Variants in CILK1 observed in about 807,000 individuals in gnomAD.
CILK1 encodes the protein ciliogenesis associated kinase 1.
In CILK1, 47 loss-of-function variants were observed where a neutral mutation model predicts 79.2. That is an observed-to-expected ratio of 0.59 (90% CI 0.47 to 0.76). The LOEUF (loss-of-function observed/expected upper bound fraction) is 0.76, where lower values mean the gene tolerates loss of function less well. CILK1 is among the 30% of genes least tolerant of loss of function. CILK1 has a pLI of 0.00. For missense variants in CILK1, 660 were observed against 769.5 expected, an observed-to-expected ratio of 0.86 and a Z score of 1.68; for synonymous variants, 266 against 275.9, an observed-to-expected ratio of 0.96 and a Z score of 0.36.
intron 5 of CILK1, among the ~76,000 whole-genome samples, chr6:53,019,979 C>T (rs1477186762): frequency 6.6e-6 from 1 of 152,048 alleles, no homozygotes; most frequent in African/African-American, 2.4e-5. Flanking sequence ...GCCCAGATAA[C>T]TGTCTGATGG....
chr6:53,007,616 G>A (rs1420585422), intron 12 of CILK1, among the ~76,000 whole-genome samples: 3 of 152,052 alleles, frequency 2.0e-5, no homozygotes, highest in African/African-American at 4.8e-5. Context: ...AGTTGAAGAT[G>A]AGCACACCCT....
rs1293309533 is a variant in CILK1, at chr6:53,005,045, AT to A, written c.*103del. 4.6e-6 allele frequency: 6 copies of A among 1,291,930 alleles called. No individual in the cohort carries two copies. The African/African-American group carries it at 8.7e-5, about 19-fold the overall frequency. The allele number at this position is 1,291,930 out of a possible 1,614,324, so 80.0% of individuals were successfully genotyped here. A position where few individuals can be genotyped will look rare whatever the true frequency, so the allele number is the denominator to read the frequency against. ...TCAGAAGAATAACTATAAAGTGTTG[AT>A]TTGCTTTTATGCCCTCTGCACATCT... On this transcript the variant is annotated 3_prime_UTR_variant, in exon 14 of 14. Transcript: ENST00000676107.
chr6:53,053,586 G>A (rs1424345677), intron 1 of CILK1, among the ~76,000 whole-genome samples: 2 of 152,206 alleles, frequency 1.3e-5, no homozygotes, highest in African/African-American at 2.4e-5. Context: ...TGGCAGAAAT[G>A]AGACAGGAAC....
intron 9 of CILK1, 106 bp from the exon 10 acceptor site, chr6:53,012,333 G>A (rs1168193007): frequency 1.0e-6 from 1 of 1,000,880 alleles, no homozygotes; most frequent in Non-Finnish European, 1.5e-6. Context: ...GAGGCTCCTG[G>A]GGCATAACAT....
intron 1 of CILK1, among the ~76,000 whole-genome samples, chr6:53,046,081 T>C (rs1169031393): frequency 2.0e-5 from 3 of 152,192 alleles, no homozygotes; most frequent in Non-Finnish European, 4.4e-5. Context: ...CATAAAAATG[T>C]CTATGCACAT....
chr6:53,005,797 AGAATC>A (rs1280761092), intron 13 of CILK1, among the ~76,000 whole-genome samples: 2 of 152,156 alleles, frequency 1.3e-5, no homozygotes, highest in Non-Finnish European at 2.9e-5. Context: ...CACGTCACTC[AGAATC>A]CATGACAATG....
intron 1 of CILK1, among the ~76,000 whole-genome samples, chr6:53,043,366 CTG>C (rs1766838803): frequency 6.6e-6 from 1 of 151,802 alleles, no homozygotes; most frequent in Non-Finnish European, 1.5e-5. Flanking sequence ...TAAATCCAGA[CTG>C]TGTTCTCCTG....
At position 53,043,284 on chromosome 6, in the gene CILK1, C is replaced by A. The variant is rs900281459; in HGVS notation, c.-172-1876G>T. Among the ~76,000 whole-genome samples, 21 of 151,624 alleles carry A rather than the reference C, an allele frequency of 1.4e-4. 1 individual carries two copies. The highest frequency in any genetic ancestry group is 5.1e-4 in the African/African-American group (21 of 41,244). ...TGAGCCGAGATCACGCCACTGCACG[C>A]CAGCCTGGGTAACAGAGTGAGACTT... On this transcript the variant is annotated intron_variant, in intron 1 of 13. Coordinates refer to ENST00000676107, the MANE Select transcript of CILK1 (RefSeq NM_014920.5).
At chr6:53,052,217 G>A (rs889415902) in intron 1 of CILK1, among the ~76,000 whole-genome samples, 7 of 152,110 alleles carry the variant, frequency 4.6e-5, no homozygotes, top group African/African-American at 1.7e-4. Context: ...CCATGTCCCT[G>A]CAAAGGACAT....
At chr6:53,057,073 C>G (rs1020497830) in intron 1 of CILK1, among the ~76,000 whole-genome samples, 1 of 152,178 alleles carries the variant, frequency 6.6e-6, no homozygotes, top group Non-Finnish European at 1.5e-5. Context: ...AAGGCAATGT[C>G]CAAGAGGGCA....
chr6:53,020,820 C>A (rs1273802323), intron 5 of CILK1, among the ~76,000 whole-genome samples: 1 of 152,196 alleles, frequency 6.6e-6, no homozygotes, highest in African/African-American at 2.4e-5. Context: ...TCTAATGTGC[C>A]TTCTCTACCC....
At chr6:53,061,392 C>T (rs1581794359) in intron 1 of CILK1, among the ~76,000 whole-genome samples, 1 of 152,334 alleles carries the variant, frequency 6.6e-6, no homozygotes, top group East Asian at 1.9e-4. Context: ...AAACACCCGT[C>T]AAAATCCTCC....
In CILK1 at chr6:53,011,778, A is replaced by G; in HGVS notation, c.1483T>C (p.Tyr495His). 6.2e-7 allele frequency: 1 copy of G among 1,614,078 alleles called. No individual in the cohort carries two copies. Among genetic ancestry groups the G allele is most frequent in the East Asian group, 2.2e-5 (1 of 44,876 alleles). ...AKQHYLKHSR[Y>H]LPGISIRNGI... Reference sequence around the variant, plus strand: ...AAGTCATTTATATTACCAGGCAAGTATCGAGAGTGCTTCAAATAGTGCTGC... The same window carrying G: ...AAGTCATTTATATTACCAGGCAAGTGTCGAGAGTGCTTCAAATAGTGCTGC... The change falls in exon 11 of 14, where the codon TAC becomes CAC. Residue 495 changes from tyrosine (Y) to histidine (H), a missense_variant. Physicochemically the swap from Tyr to His is moderately conservative, Grantham distance 83. Transcript: ENST00000676107.
Position 53,004,428 on chromosome 6 carries a change from GGTTT to G in CILK1, c.*717_*720del, listed in dbSNP as rs1764102802. ...ATAATGGCATAGTATAATTAAGCTT[GGTTT>G]CATCTGAGATCTGCAACCACATTAA... On this transcript the variant is annotated 3_prime_UTR_variant, in exon 14 of 14. Transcript: ENST00000676107. 6.6e-6 allele frequency: 1 copy of G among 152,104 alleles called. No homozygotes were observed. Among genetic ancestry groups the G allele is most frequent in the Admixed American group, 6.5e-5 (1 of 15,276 alleles). 9.4% of individuals were successfully genotyped at this position (152,104 alleles called of 1,614,324 possible).
intron 2 of CILK1, among the ~76,000 whole-genome samples, chr6:53,040,690 A>G (rs954777197): frequency 6.6e-6 from 1 of 152,216 alleles, no homozygotes; most frequent in Admixed American, 6.5e-5. Flanking sequence ...TCTTGGAGTA[A>G]ATTGTTACAC....
At chr6:53,044,008 G>T (rs570870398) in intron 1 of CILK1, among the ~76,000 whole-genome samples, 2 of 152,136 alleles carry the variant, frequency 1.3e-5, no homozygotes, top group Non-Finnish European at 2.9e-5. Context: ...TTGAAATTAG[G>T]GGGTGGGAAA....
At position 53,041,918 on chromosome 6, in the gene CILK1, T is replaced by TA. The variant is rs1452622399; in HGVS notation, c.-172-511dup. Among the ~76,000 whole-genome samples, 5 of 152,278 alleles carry TA rather than the reference T, an allele frequency of 3.3e-5. No individual in the cohort carries two copies. The South Asian group carries it at 1.0e-3, about 32-fold the overall frequency. On this transcript the variant is annotated intron_variant, in intron 1 of 13. Transcript: ENST00000676107. ...AAATAATTACCTTACCTTTTTTTTT[T>TA]AATCTTTCTTAAATGTATTTATAGC...
chr6:53,050,208 GA>G (rs1203173783), intron 1 of CILK1, among the ~76,000 whole-genome samples: 4 of 152,024 alleles, frequency 2.6e-5, no homozygotes, highest in Non-Finnish European at 5.9e-5. Flanking sequence ...ATTCCAGCCT[GA>G]AATCTCTGAG....
rs148966588 is a variant in CILK1, at chr6:53,031,904, G to A, written c.278+629C>T. On this transcript the variant is annotated intron_variant, in intron 4 of 13. Coordinates refer to ENST00000676107, the MANE Select transcript of CILK1 (RefSeq NM_014920.5). ...GCTGGAGTGCAATGGTGCGATGTCC[G>A]CTCACCCCAACCTCTGCCTCCCATG... 4.2e-3 allele frequency among the ~76,000 whole-genome samples: 640 copies of A among 152,154 alleles called. 7 individuals are homozygous for A. The highest frequency in any genetic ancestry group is 0.031 in the South Asian group (150 of 4,822).
Sources: gnomAD v4.1 joint callset for allele counts (sites outside exome capture counted in the v4.1 genomes callset) on GRCh38, gnomAD v4.1.1 for gene constraint, MANE v1.5 for transcripts, NCBI Gene and HGNC (gene_info 2026-07-23, HGNC 2026-07-21) for gene names.